LINGO2: variants seen among roughly 807,000 people sequenced by gnomAD.
The protein encoded by LINGO2 is leucine-rich repeat and immunoglobulin-like domain-containing nogo receptor-interacting protein 2.
Under a neutral mutation model 30.6 loss-of-function variants are expected in LINGO2, and 14 were observed. That is an observed-to-expected ratio of 0.46 (90% CI 0.30 to 0.72). The LOEUF is 0.72. LINGO2 is among the 30% of genes least tolerant of loss of function. The pLI is 0.07. For synonymous variants in LINGO2, 317 were observed against 288.5 expected, an observed-to-expected ratio of 1.10 and a Z score of -1.00; for missense variants, 729 against 751.7, an observed-to-expected ratio of 0.97 and a Z score of 0.35.
the LINGO2 span, among the ~76,000 whole-genome samples, chr9:29,092,799 T>C: frequency 3.6e-5 from 5 of 137,182 alleles, 1 homozygote; most frequent in African/African-American, 1.4e-4. Flanking sequence ...AAAATATCTA[T>C]ATAATAAGGT....
At chr9:29,091,724 T>C in the LINGO2 span, among the ~76,000 whole-genome samples, 2 of 152,058 alleles carry the variant, frequency 1.3e-5, no homozygotes, top group African/African-American at 2.4e-5. Flanking sequence ...AGAGTGTCTG[T>C]AGCAACAAAA....
intron 3 of LINGO2, among the ~76,000 whole-genome samples, chr9:28,342,507 A>G (rs1430564176): frequency 6.6e-6 from 1 of 152,110 alleles, no homozygotes; most frequent in Non-Finnish European, 1.5e-5. Context: ...ATCTCTTGTC[A>G]GGTATCCTCG....
intron 4 of LINGO2, among the ~76,000 whole-genome samples, chr9:28,239,024 T>C (rs554735278): frequency 8.5e-5 from 13 of 152,060 alleles, no homozygotes; most frequent in Admixed American, 7.2e-4. Flanking sequence ...TAAATACCAA[T>C]AAATGGGAAG....
At chr9:28,539,084 A>G (rs896346606) in intron 1 of LINGO2, among the ~76,000 whole-genome samples, 2 of 152,092 alleles carry the variant, frequency 1.3e-5, no homozygotes, top group South Asian at 4.1e-4. Context: ...TAAAATACAT[A>G]CCTAAATAAA....
chr9:28,487,235 A>G (rs541877551), intron 1 of LINGO2, among the ~76,000 whole-genome samples: 1 of 152,244 alleles, frequency 6.6e-6, no homozygotes, highest in South Asian at 2.1e-4. Context: ...AGTTTATAGA[A>G]CACTGAAATC....
At chr9:28,952,902 T>A in the LINGO2 span, among the ~76,000 whole-genome samples, 1 of 152,204 alleles carries the variant, frequency 6.6e-6, no homozygotes, top group Non-Finnish European at 1.5e-5. Context: ...AAGTTACCCA[T>A]AACTGATTCA....
intron 1 of LINGO2, among the ~76,000 whole-genome samples, chr9:28,597,171 G>C (rs923097158): frequency 1.3e-5 from 2 of 152,028 alleles, no homozygotes; most frequent in African/African-American, 4.8e-5. Flanking sequence ...GTGTGCCTGG[G>C]GACCAATTTA....
intron 4 of LINGO2, among the ~76,000 whole-genome samples, chr9:28,046,672 T>TAA (rs1010102003): frequency 1.8e-4 from 28 of 152,234 alleles, no homozygotes; most frequent in African/African-American, 6.7e-4. Context: ...TAGTAGCTCT[T>TAA]AAAATGTCTT....
chr9:28,209,457 T>C (rs1264317583), intron 4 of LINGO2, among the ~76,000 whole-genome samples: 1 of 151,952 alleles, frequency 6.6e-6, no homozygotes, highest in Non-Finnish European at 1.5e-5. Flanking sequence ...TTACACTAGG[T>C]ATAATGGCCA....
chr9:28,442,336 T>C (rs1372583971), intron 2 of LINGO2, among the ~76,000 whole-genome samples: 1 of 152,020 alleles, frequency 6.6e-6, no homozygotes, highest in East Asian at 1.9e-4. Context: ...GTTTGTATAC[T>C]TCTCTGATTG....
intron 1 of LINGO2, among the ~76,000 whole-genome samples, chr9:28,649,425 A>C (rs2135964681): frequency 6.6e-6 from 1 of 152,236 alleles, no homozygotes; most frequent in South Asian, 2.1e-4. Context: ...GGTTAATAGA[A>C]GTTAGCTAAA....
the LINGO2 span, among the ~76,000 whole-genome samples, chr9:28,703,898 T>C: frequency 6.6e-6 from 1 of 152,034 alleles, no homozygotes; most frequent in Non-Finnish European, 1.5e-5. Context: ...TTGTCATTCA[T>C]TTCACTAATA....
intron 4 of LINGO2, among the ~76,000 whole-genome samples, chr9:28,277,850 C>CCA (rs1823179540): frequency 1.5e-5 from 2 of 135,974 alleles, no homozygotes; most frequent in African/African-American, 5.7e-5. Context: ...AAAAAAAAAA[C>CCA]AAAAAAAAAA....
At chr9:29,184,296 T>G in the LINGO2 span, among the ~76,000 whole-genome samples, 18 of 152,094 alleles carry the variant, frequency 1.2e-4, 1 homozygote, top group Admixed American at 8.5e-4. Context: ...AAAAAATCTG[T>G]GTTTTAAAAA....
At chr9:28,245,009 A>C (rs1365415014) in intron 4 of LINGO2, among the ~76,000 whole-genome samples, 1 of 152,160 alleles carries the variant, frequency 6.6e-6, no homozygotes, top group Non-Finnish European at 1.5e-5. Context: ...CAAAAAAAGA[A>C]AAGTTCAGGC....
At chr9:28,965,151 C>T in the LINGO2 span, among the ~76,000 whole-genome samples, 98,547 of 151,618 alleles carry the variant, frequency 0.65, 32,685 homozygotes, top group Non-Finnish European at 0.72. Flanking sequence ...AGGTAGAGTT[C>T]GGGATTTATT....
intron 4 of LINGO2, among the ~76,000 whole-genome samples, chr9:28,141,136 A>G (rs1827660051): frequency 6.6e-6 from 1 of 152,188 alleles, no homozygotes; most frequent in Non-Finnish European, 1.5e-5. Flanking sequence ...AGCTTATTAG[A>G]GAAAGGTTAA....
chr9:29,068,671 G>A, the LINGO2 span, among the ~76,000 whole-genome samples: 1 of 151,934 alleles, frequency 6.6e-6, no homozygotes, highest in South Asian at 2.1e-4. Flanking sequence ...AGCTATGAAA[G>A]ATCGCTTAGT....
intron 1 of LINGO2, among the ~76,000 whole-genome samples, chr9:28,553,442 T>C (rs7038829): frequency 2.6e-4 from 40 of 151,764 alleles, no homozygotes; most frequent in African/African-American, 9.7e-4. Context: ...AAGGGAAGTT[T>C]AGAGAAAAAA....
Sources: gnomAD v4.1 joint callset for allele counts (sites outside exome capture counted in the v4.1 genomes callset) on GRCh38, gnomAD v4.1.1 for gene constraint, MANE v1.5 for transcripts, NCBI Gene and HGNC (gene_info 2026-07-23, HGNC 2026-07-21) for gene names.